The following SKAP2 variants were observed in gnomAD, a reference collection of about 807,000 sequenced individuals.
SKAP2 encodes the protein src kinase associated phosphoprotein 2, also known as src kinase-associated phosphoprotein 2.
Under a neutral mutation model 54.9 loss-of-function variants are expected in SKAP2, and 28 were observed. That is an observed-to-expected ratio of 0.51 (90% CI 0.38 to 0.70). The LOEUF is 0.70. Ranked by LOEUF, SKAP2 falls within the 30% of genes least tolerant of loss-of-function variation. The probability of loss-of-function intolerance (pLI) is 0.00; values close to 1 mark genes in which losing one functional copy is unlikely to be tolerated. For missense variants in SKAP2, 356 were observed against 424.1 expected (o/e 0.84, Z 1.41); for synonymous variants, 137 against 134.3 (o/e 1.02, Z -0.14).
chr7:26,799,058 C>T (rs4722641), intron 4 of SKAP2, among the ~76,000 whole-genome samples: 12 of 136,840 alleles, frequency 8.8e-5, no homozygotes, highest in African/African-American at 3.4e-4. Flanking sequence ...AGGGGCGGGA[C>T]AGGGGCAGGG....
At chr7:26,730,120 C>G (rs548181233) in intron 6 of SKAP2, among the ~76,000 whole-genome samples, 1 of 152,132 alleles carries the variant, frequency 6.6e-6, no homozygotes, top group Non-Finnish European at 1.5e-5. Context: ...AAGTTCAAGA[C>G]GTGAAATGGG....
At chr7:26,864,286 A>C in intron 1 of SKAP2, 77 bp downstream of exon 1, 5 of 1,572,588 alleles carry the variant, frequency 3.2e-6, no homozygotes, top group Non-Finnish European at 4.4e-6. Flanking sequence ...AAGGGCTCTG[A>C]ATGCTTCTGT....
At chr7:26,697,423 A>G (rs1025188688) in intron 9 of SKAP2, among the ~76,000 whole-genome samples, 3 of 152,160 alleles carry the variant, frequency 2.0e-5, no homozygotes, top group South Asian at 2.1e-4. Context: ...AAAGAGTACT[A>G]GGTATTAGGA....
At chr7:26,782,727 T>A (rs1783454565) in intron 4 of SKAP2, among the ~76,000 whole-genome samples, 1 of 152,058 alleles carries the variant, frequency 6.6e-6, no homozygotes, top group Admixed American at 6.6e-5. Flanking sequence ...TGGGAGGTGA[T>A]TAGTCATAAA....
chr7:26,716,508 A>T (rs1454333220), intron 9 of SKAP2, among the ~76,000 whole-genome samples: 1 of 152,160 alleles, frequency 6.6e-6, no homozygotes, highest in Non-Finnish European at 1.5e-5. Flanking sequence ...TTTCAGGTGT[A>T]TCTCCAAGAA....
intron 4 of SKAP2, among the ~76,000 whole-genome samples, chr7:26,796,376 T>G (rs1334210564): frequency 6.6e-6 from 1 of 152,202 alleles, no homozygotes; most frequent in Non-Finnish European, 1.5e-5. Flanking sequence ...GTAGTTCACC[T>G]CTCCAGTAAA....
intron 4 of SKAP2, among the ~76,000 whole-genome samples, chr7:26,839,432 A>C (rs940409288): frequency 2.0e-5 from 3 of 152,160 alleles, no homozygotes; most frequent in Non-Finnish European, 4.4e-5. Flanking sequence ...AAGACAACCC[A>C]AAAATTTTAA....
chr7:26,719,048 C>A (rs1020872051), intron 9 of SKAP2, among the ~76,000 whole-genome samples: 1 of 151,960 alleles, frequency 6.6e-6, no homozygotes, highest in Non-Finnish European at 1.5e-5. Context: ...GGCATGGCAG[C>A]GCATGCCTGT....
At chr7:26,826,567 T>A (rs956191405) in intron 4 of SKAP2, among the ~76,000 whole-genome samples, 6 of 152,194 alleles carry the variant, frequency 3.9e-5, no homozygotes, top group African/African-American at 1.4e-4. Flanking sequence ...AACTATTACC[T>A]CCATGTTCTA....
chr7:26,735,455 G>GT (rs1326527392), intron 6 of SKAP2, among the ~76,000 whole-genome samples: 3 of 152,118 alleles, frequency 2.0e-5, no homozygotes, highest in African/African-American at 7.2e-5. Flanking sequence ...TGGTACAATG[G>GT]TAAGTGCATT....
At chr7:26,720,051 AACACACACACACACAC>A (rs57945020) in intron 9 of SKAP2, among the ~76,000 whole-genome samples, 12,667 of 141,778 alleles carry the variant, frequency 0.089, 587 homozygotes, top group Middle Eastern at 0.17. Context: ...ACATATCTGT[AACACACACACACACAC>A]ACACACACAC....
chr7:26,670,484 ACT>A (rs774050534), intron 11 of SKAP2, among the ~76,000 whole-genome samples: 39 of 151,836 alleles, frequency 2.6e-4, no homozygotes, highest in Non-Finnish European at 5.0e-4. Context: ...TCTCGGGGAC[ACT>A]CTCTCTCTCC....
intron 6 of SKAP2, among the ~76,000 whole-genome samples, chr7:26,735,280 T>C (rs948238574): frequency 2.4e-4 from 37 of 152,138 alleles, no homozygotes; most frequent in Admixed American, 1.8e-3. Flanking sequence ...CATCTGAACA[T>C]CTAGGACCTA....
chr7:26,779,504 A>G (rs1406772253), intron 4 of SKAP2, among the ~76,000 whole-genome samples: 1 of 152,048 alleles, frequency 6.6e-6, no homozygotes, highest in African/African-American at 2.4e-5. Flanking sequence ...TCTAAGACAG[A>G]AATGGAATAC....
intron 4 of SKAP2, among the ~76,000 whole-genome samples, chr7:26,744,733 T>TA (rs1782526014): frequency 6.7e-6 from 1 of 150,124 alleles, no homozygotes; most frequent in Non-Finnish European, 1.5e-5. Flanking sequence ...TGATACATGT[T>TA]ACACATACAC....
chr7:26,863,067 G>A lies in SKAP2; in HGVS notation c.67+1296C>T, dbSNP rs189923962. ...TTAACTATTTCCCTTAGTGGTACCCGTTAATGACAACAAGCATTTCTTAGA... is the reference window on the plus strand; with the variant it reads ...TTAACTATTTCCCTTAGTGGTACCCATTAATGACAACAAGCATTTCTTAGA... On this transcript the variant is annotated intron_variant, in intron 1 of 12. Coordinates refer to ENST00000345317, the MANE Select transcript of SKAP2 (RefSeq NM_003930.5). Among the ~76,000 whole-genome samples the A allele has an allele frequency of 2.9e-4, 44 of 152,196 alleles. 1 individual carries two copies. Among genetic ancestry groups the A allele is most frequent in the Admixed American group, 2.6e-3 (40 of 15,302 alleles).
In SKAP2 at chr7:26,854,552, A is replaced by G. The variant is rs1354904783; in HGVS notation, c.173+233T>C. 2.0e-5 allele frequency among the ~76,000 whole-genome samples: 3 copies of G among 152,158 alleles called. No individual in the cohort carries two copies. The East Asian group carries it at 5.8e-4, about 29-fold the overall frequency. ...CTCAGATAATCAAAATAAACAGCTGAACTCTGCTAGAATGCTCAGAAAAAT... is the reference window on the plus strand; with the variant it reads ...CTCAGATAATCAAAATAAACAGCTGGACTCTGCTAGAATGCTCAGAAAAAT... On this transcript the variant is annotated intron_variant, in intron 2 of 12. Transcript: ENST00000345317.
intron 7 of SKAP2, 182 bp downstream of exon 7, chr7:26,726,700 A>G: frequency 4.3e-6 from 2 of 464,964 alleles, no homozygotes; most frequent in Non-Finnish European, 7.5e-6. Flanking sequence ...TAGTGTGTGA[A>G]TTAATCTGAA....
chr7:26,664,743 AAAAG>A (rs1786077183), downstream of SKAP2, among the ~76,000 whole-genome samples: 1 of 151,820 alleles, frequency 6.6e-6, no homozygotes, highest in African/African-American at 2.4e-5. Flanking sequence ...AAAAAAAAAA[AAAAG>A]AGGAGAGAAA....
Sources: gnomAD v4.1 joint callset for allele counts (sites outside exome capture counted in the v4.1 genomes callset) on GRCh38, gnomAD v4.1.1 for gene constraint, MANE v1.5 for transcripts, NCBI Gene and HGNC (gene_info 2026-07-23, HGNC 2026-07-21) for gene names.